Variants in PKD1L3 observed in about 807,000 individuals in gnomAD.
The protein encoded by PKD1L3 is polycystin 1 like 3, transient receptor potential channel interacting.
In PKD1L3, 239 loss-of-function variants were observed where a neutral mutation model predicts 184.1. That is an observed-to-expected ratio of 1.30 (90% CI 1.17 to 1.45). The LOEUF (loss-of-function observed/expected upper bound fraction) is 1.45, where lower values mean the gene tolerates loss of function less well. Ranked by LOEUF, PKD1L3 falls within the 40% of genes most tolerant of loss-of-function variation. The pLI, the probability that PKD1L3 is intolerant of heterozygous loss-of-function variation, is 0.00. For missense variants in PKD1L3, 2,660 were observed against 2,067.2 expected, an observed-to-expected ratio of 1.29 and a Z score of -5.56; for synonymous variants, 996 against 778.8, an observed-to-expected ratio of 1.28 and a Z score of -4.64.
chr16:71,995,295 C>T (rs1013689499), intron 2 of PKD1L3, among the ~76,000 whole-genome samples: 9 of 152,144 alleles, frequency 5.9e-5, no homozygotes, highest in South Asian at 2.1e-4. Flanking sequence ...CGTCTTAATG[C>T]GATCACATTG....
intron 6 of PKD1L3, among the ~76,000 whole-genome samples, chr16:71,982,836 C>G (rs1241077335): frequency 6.6e-6 from 1 of 151,150 alleles, no homozygotes; most frequent in Non-Finnish European, 1.5e-5. Context: ...CCAAGAGATC[C>G]TCCTGTCTTG....
intron 7 of PKD1L3, among the ~76,000 whole-genome samples, chr16:71,981,819 G>C (rs1166180552): frequency 6.6e-6 from 1 of 152,122 alleles, no homozygotes; most frequent in Non-Finnish European, 1.5e-5. Flanking sequence ...GGGATTACAG[G>C]TGTGAGCCAC....
At chr16:71,986,085 A>G in intron 5 of PKD1L3, 136 bp downstream of exon 5, 1 of 1,150,646 alleles carries the variant, frequency 8.7e-7, no homozygotes, top group Non-Finnish European at 1.2e-6. Flanking sequence ...GGACTTGTTT[A>G]GTTTTTGTTT....
chr16:71,945,291 TATATATATATATATACAC>T (rs1463053887), intron 22 of PKD1L3, among the ~76,000 whole-genome samples: 3 of 65,324 alleles, frequency 4.6e-5, no homozygotes, highest in African/African-American at 2.1e-4. Flanking sequence ...TATATATATA[TATATATATATATATACAC>T]ACACACACAC....
At position 71,950,222 on chromosome 16, in the gene PKD1L3, G is replaced by C. The variant is rs1444353040; in HGVS notation, c.3279C>G (p.Thr1093=). The change falls in exon 20 of 30, where the codon ACC becomes ACG. Residue 1093 remains threonine, a synonymous_variant. Coordinates refer to ENST00000620267, the MANE Select transcript of PKD1L3 (RefSeq NM_181536.2). ...LKSHLGTLGL[T]QGHQSCDFLD... ...GGAAGTCACAGGACTGGTGACCCTG[G>C]GTGAGACCCAGCGTGCCTAAGTGAG... is the stretch of plus-strand genomic sequence containing the variant. 1.9e-6 allele frequency: 3 copies of C among 1,552,052 alleles called. No homozygotes were observed. The highest frequency in any genetic ancestry group is 2.6e-6 in the Non-Finnish European group (3 of 1,147,106).
intron 16 of PKD1L3, among the ~76,000 whole-genome samples, chr16:71,961,663 G>C (rs1341622410): frequency 1.3e-5 from 2 of 152,042 alleles, no homozygotes; most frequent in Non-Finnish European, 2.9e-5. Context: ...ATCTAACACA[G>C]AGGAGCTTAC....
rs1312931977 is a variant in PKD1L3, at chr16:71,929,602, G to A, written c.5135C>T (p.Ser1712Leu). 1.3e-6 allele frequency: 2 copies of A among 1,551,746 alleles called. No individual in the cohort carries two copies. Among genetic ancestry groups the A allele is most frequent in the Non-Finnish European group, 1.7e-6 (2 of 1,147,018 alleles). Reference protein sequence around the residue: ...LLGISWPQKTSSEQAATTAVG... With the variant: ...LLGISWPQKTLSEQAATTAVG... ...TGCTGTCGTGGCTGCTTGCTCAGAT[G>A]AGGTTTTTTGGGGCCAACTGATTCC... Residue 1712 changes from serine (S) to leucine (L), a missense_variant, in exon 30 of 30, where the codon TCA becomes TTA. Physicochemically the swap from Ser to Leu is moderately radical, Grantham distance 145. Transcript: ENST00000620267.
chr16:71,953,758 C>G (rs577665517), intron 17 of PKD1L3, among the ~76,000 whole-genome samples: 1 of 152,250 alleles, frequency 6.6e-6, no homozygotes, highest in South Asian at 2.1e-4. Flanking sequence ...AGAAACTGCC[C>G]CCATGATCCA....
At chr16:71,939,875 AAACTT>A (rs554168426) in intron 24 of PKD1L3, among the ~76,000 whole-genome samples, 37 of 152,330 alleles carry the variant, frequency 2.4e-4, no homozygotes, top group African/African-American at 8.7e-4. Context: ...GATAAAGTAA[AAACTT>A]CAATAGATGA....
intron 28 of PKD1L3, 112 bp downstream of exon 28, chr16:71,933,308 T>C (rs1023361619): frequency 7.8e-6 from 6 of 766,272 alleles, no homozygotes; most frequent in Admixed American, 2.2e-5. Context: ...ACTGAAATTT[T>C]CCCCCTTTTC....
At chr16:71,999,325 A>C (rs1171823862) in intron 1 of PKD1L3, among the ~76,000 whole-genome samples, 1 of 151,966 alleles carries the variant, frequency 6.6e-6, no homozygotes, top group Non-Finnish European at 1.5e-5. Context: ...ATAGGTAGAT[A>C]CTCTTCCTCT....
intron 22 of PKD1L3, among the ~76,000 whole-genome samples, chr16:71,945,303 T>TACAC (rs1289989272): frequency 9.8e-5 from 5 of 51,184 alleles, no homozygotes; most frequent in East Asian, 1.1e-3. Flanking sequence ...TATATATATA[T>TACAC]ATACACACAC....
At chr16:71,981,995 C>T in intron 7 of PKD1L3, 64 bp downstream of exon 7, 1 of 1,406,340 alleles carries the variant, frequency 7.1e-7, no homozygotes, top group Non-Finnish European at 9.5e-7. Context: ...GGCTGTGATA[C>T]CTGGACCTGT....
At chr16:71,939,063 T>C (rs1225220936) in intron 24 of PKD1L3, among the ~76,000 whole-genome samples, 1 of 152,258 alleles carries the variant, frequency 6.6e-6, no homozygotes, top group East Asian at 1.9e-4. Context: ...TTTGGGGCTC[T>C]GTGCTTCTGG....
intron 3 of PKD1L3, among the ~76,000 whole-genome samples, chr16:71,991,873 G>A (rs971685530): frequency 1.4e-4 from 21 of 152,306 alleles, no homozygotes; most frequent in African/African-American, 2.6e-4. Context: ...CCTGGAGTGC[G>A]GTATGGCTCT....
chr16:71,976,909 A>AT (rs35263815), intron 11 of PKD1L3, among the ~76,000 whole-genome samples: 223 of 152,062 alleles, frequency 1.5e-3, no homozygotes, highest in African/African-American at 3.9e-3. Flanking sequence ...CACCTGGCTA[A>AT]TTTTTTTGCA....
At chr16:71,968,389 T>C (rs375463115) in intron 13 of PKD1L3, among the ~76,000 whole-genome samples, 2 of 152,188 alleles carry the variant, frequency 1.3e-5, no homozygotes, top group Non-Finnish European at 2.9e-5. Context: ...CACTGTTCAT[T>C]TAAAATGCAA....
chr16:71,984,260 G>A, intron 5 of PKD1L3, 93 bp from the exon 6 acceptor site: 1 of 1,332,388 alleles, frequency 7.5e-7, no homozygotes, highest in Non-Finnish European at 1.0e-6. Flanking sequence ...TTGACCTTGG[G>A]TAACTTTATA....
chr16:71,970,721 T>A (rs189938286), intron 12 of PKD1L3, among the ~76,000 whole-genome samples: 29 of 152,286 alleles, frequency 1.9e-4, no homozygotes, highest in African/African-American at 7.0e-4. Flanking sequence ...GGCAGGAGAA[T>A]TGCTTGAACC....
Sources: allele counts gnomAD v4.1 joint callset (sites outside exome capture counted in the v4.1 genomes callset), GRCh38; gene constraint gnomAD v4.1.1; transcripts MANE v1.5; gene names NCBI Gene and HGNC (gene_info 2026-07-23, HGNC 2026-07-21).